Variants in CCDC7 observed in about 807,000 individuals in gnomAD.
The protein encoded by CCDC7 is coiled-coil domain-containing protein 7.
In CCDC7, 183 loss-of-function variants were observed where a neutral mutation model predicts 196.9. That is an observed-to-expected ratio of 0.93 (90% CI 0.82 to 1.05). CCDC7 has a LOEUF of 1.05. Ranked by LOEUF, CCDC7 falls within the 50% of genes least tolerant of loss-of-function variation. The pLI, the probability that CCDC7 is intolerant of heterozygous loss-of-function variation, is 0.00. For synonymous variants in CCDC7, 525 were observed against 484.6 expected, an observed-to-expected ratio of 1.08 and a Z score of -1.10; for missense variants, 1,540 against 1,482.2, an observed-to-expected ratio of 1.04 and a Z score of -0.64.
chr10:32,673,574 T>A lies in CCDC7; in HGVS notation c.2122+9413T>A, dbSNP rs74422658. On this transcript the variant is annotated intron_variant, in intron 21 of 41. Coordinates refer to ENST00000639629, the Ensembl canonical transcript of CCDC7. ...CTTTTTGGATAGTTCGTTGTTAGTA[T>A]ATTAAAACAAAACCAATTTGTGTAT... Among the ~76,000 whole-genome samples, 670 of 152,026 alleles carry A rather than the reference T, an allele frequency of 4.4e-3. 4 individuals carry two copies. The highest frequency in any genetic ancestry group is 0.016 in the African/African-American group (651 of 41,478).
chr10:32,522,775 C>G (rs891457329), intron 11 of CCDC7, among the ~76,000 whole-genome samples: 5 of 151,514 alleles, frequency 3.3e-5, no homozygotes, highest in Non-Finnish European at 4.4e-5. Context: ...AATTTTTCTT[C>G]TTTTTTGATG....
At chr10:32,535,711 A>G (rs1370268697) in intron 11 of CCDC7, among the ~76,000 whole-genome samples, 1 of 152,044 alleles carries the variant, frequency 6.6e-6, no homozygotes, top group Non-Finnish European at 1.5e-5. Flanking sequence ...TCCTGTTTAG[A>G]CCTTTAAGAG....
intron 24 of CCDC7, among the ~76,000 whole-genome samples, chr10:32,704,905 A>G (rs2079430225): frequency 6.6e-6 from 1 of 152,106 alleles, no homozygotes; most frequent in African/African-American, 2.4e-5. Flanking sequence ...TCCAGGTGCC[A>G]TCTGTCACAC....
chr10:32,630,473 GT>G (rs2064708328), intron 18 of CCDC7, among the ~76,000 whole-genome samples: 1 of 151,954 alleles, frequency 6.6e-6, no homozygotes, highest in Non-Finnish European at 1.5e-5. Context: ...AGGGAGTGGG[GT>G]TAGTACAGGG....
intron 18 of CCDC7, among the ~76,000 whole-genome samples, chr10:32,630,488 C>T (rs2064710492): frequency 6.6e-6 from 1 of 151,900 alleles, no homozygotes; most frequent in Non-Finnish European, 1.5e-5. Flanking sequence ...TACAGGGAGT[C>T]CTTTTCCCAT....
chr10:32,759,884 A>C (rs1286295363), intron 28 of CCDC7, among the ~76,000 whole-genome samples: 4 of 152,162 alleles, frequency 2.6e-5, no homozygotes, highest in Non-Finnish European at 4.4e-5. Flanking sequence ...CAATGAACTC[A>C]AACAAATTTG....
upstream of CCDC7, among the ~76,000 whole-genome samples, chr10:32,450,845 G>A (rs1317785922): frequency 5.9e-5 from 9 of 152,204 alleles, no homozygotes; most frequent in East Asian, 9.7e-4. Context: ...GTATTCTCTC[G>A]TTGCTTCTGG....
At chr10:32,479,838 CTT>C (rs61485925) in intron 8 of CCDC7, among the ~76,000 whole-genome samples, 310 of 145,244 alleles carry the variant, frequency 2.1e-3, no homozygotes, top group Middle Eastern at 3.6e-3. Context: ...CTGGTTTTTT[CTT>C]TTTTTTTTTT....
At chr10:32,882,213 G>A (rs2094815649) in intron 22 of CCDC7, among the ~76,000 whole-genome samples, 1 of 152,194 alleles carries the variant, frequency 6.6e-6, no homozygotes, top group South Asian at 2.1e-4. Context: ...GAAGGGGTCA[G>A]CAGATGGAAA....
At chr10:32,583,086 A>G (rs538963522) in exon 17 of CCDC7, 1 of 1,231,368 alleles carries the variant, frequency 8.1e-7, no homozygotes, top group South Asian at 4.1e-5. Context: ...ACAGATCCTT[A>G]AGTCTCAAGA....
chr10:32,589,155 C>A (rs1413699560), intron 18 of CCDC7, among the ~76,000 whole-genome samples: 1 of 152,080 alleles, frequency 6.6e-6, no homozygotes, highest in South Asian at 2.1e-4. Context: ...ACTATGCTTA[C>A]TAGCCTCTGG....
intron 24 of CCDC7, among the ~76,000 whole-genome samples, chr10:32,696,038 AG>A (rs1286025589): frequency 2.6e-5 from 4 of 151,914 alleles, no homozygotes; most frequent in Non-Finnish European, 5.9e-5. Context: ...AGTGTTTTTA[AG>A]AGACAAAGAC....
At chr10:32,484,459 G>T (rs574033022) in intron 8 of CCDC7, among the ~76,000 whole-genome samples, 109 of 152,212 alleles carry the variant, frequency 7.2e-4, no homozygotes, top group African/African-American at 2.5e-3. Flanking sequence ...CAATTTGACT[G>T]CCTCTTTTCC....
intron 39 of CCDC7, among the ~76,000 whole-genome samples, chr10:32,849,779 AC>A (rs1462674633): frequency 6.6e-6 from 1 of 152,096 alleles, no homozygotes; most frequent in Non-Finnish European, 1.5e-5. Context: ...AAAGTTGTTA[AC>A]TTGGTAACTG....
intron 13 of CCDC7, among the ~76,000 whole-genome samples, chr10:32,551,767 G>C (rs2053514842): frequency 6.6e-6 from 1 of 152,122 alleles, no homozygotes; most frequent in Non-Finnish European, 1.5e-5. Flanking sequence ...GAGAGTGCTT[G>C]ATATACTGTC....
chr10:32,768,262 T>C (rs1388758683), intron 28 of CCDC7, among the ~76,000 whole-genome samples: 1 of 152,174 alleles, frequency 6.6e-6, no homozygotes, highest in African/African-American at 2.4e-5. Flanking sequence ...CTTGGTTAAA[T>C]ATATTCCTAA....
At chr10:32,819,407 T>G (rs2089653195) in intron 31 of CCDC7, among the ~76,000 whole-genome samples, 1 of 152,182 alleles carries the variant, frequency 6.6e-6, no homozygotes, top group East Asian at 1.9e-4. Flanking sequence ...CTGTTATGAT[T>G]CCTTCTGAAA....
intron 41 of CCDC7, among the ~76,000 whole-genome samples, chr10:32,855,272 C>T (rs185179379): frequency 1.4e-3 from 205 of 151,518 alleles, no homozygotes; most frequent in African/African-American, 4.1e-3. Flanking sequence ...CAGCAGGGAC[C>T]GGTTTCGTGG....
intron 21 of CCDC7, among the ~76,000 whole-genome samples, chr10:32,680,780 C>G (rs747581017): frequency 5.3e-5 from 8 of 152,180 alleles, no homozygotes; most frequent in Non-Finnish European, 1.2e-4. Context: ...ACTTCTTTCC[C>G]ATCTCCCAAT....
Sources: gnomAD v4.1 joint callset for allele counts (sites outside exome capture counted in the v4.1 genomes callset) on GRCh38, gnomAD v4.1.1 for gene constraint, MANE v1.5 for transcripts, NCBI Gene and HGNC (gene_info 2026-07-23, HGNC 2026-07-21) for gene names.